Variants in SHMT2 observed in about 807,000 individuals in gnomAD.
SHMT2 encodes serine hydroxymethyltransferase 2.
SHMT2 carries 38 observed loss-of-function variants against 59.6 expected under a neutral mutation model. The ratio of observed to expected loss-of-function variants is 0.64; its 90% CI spans 0.49 to 0.84. The LOEUF is 0.84. Among genes scored for constraint, SHMT2 ranks in the 40% least tolerant of loss-of-function variants. SHMT2 has a pLI of 0.00. For missense variants in SHMT2, 533 were observed against 659.5 expected (o/e 0.81, Z 2.10); for synonymous variants, 254 against 258.1 (o/e 0.98, Z 0.15).
intron 4 of SHMT2, 127 bp from the exon 5 acceptor site, chr12:57,232,084 G>A: frequency 1.8e-6 from 2 of 1,124,806 alleles, no homozygotes; most frequent in Non-Finnish European, 2.7e-6. Flanking sequence ...ACCACAGAGT[G>A]GACAGAGCAG....
intron 9 of SHMT2, 31 bp from the exon 10 acceptor site, chr12:57,233,718 C>T (rs1186568422): frequency 6.2e-7 from 1 of 1,613,170 alleles, no homozygotes; most frequent in African/African-American, 1.3e-5. Context: ...AGGCCCAGGA[C>T]TCACCACTCC....
At chr12:57,230,152 A>G (rs1314257852) in intron 1 of SHMT2, 6 of 1,304,676 alleles carry the variant, frequency 4.6e-6, no homozygotes, top group Non-Finnish European at 4.9e-6. Flanking sequence ...CTTTCCGGCC[A>G]GCTCTGAGCC....
chr12:57,234,309 G>T lies in SHMT2; in HGVS notation c.1463G>T (p.Arg488Leu). The T allele has an allele frequency of 6.2e-7, 1 of 1,613,264 alleles. No individual in the cohort carries two copies. The highest frequency in any genetic ancestry group is 8.5e-7 in the Non-Finnish European group (1 of 1,179,566). Reference sequence around the variant, plus strand: ...CAGCGTCTGGCCAACCTCAGGCAACGGGTGGAGCAGTTTGCCAGGGCCTTC... The same window carrying T: ...CAGCGTCTGGCCAACCTCAGGCAACTGGTGGAGCAGTTTGCCAGGGCCTTC... ...TSQRLANLRQ[R>L]VEQFARAFPM... Residue 488 changes from arginine to leucine, a missense_variant, in exon 12 of 12, where the codon CGG (arginine) becomes CTG (leucine). Transcript: ENST00000328923.
At position 57,229,814 on chromosome 12, in the gene SHMT2, A is replaced by G. The variant is rs963775400; in HGVS notation, c.33+3A>G. On this transcript the variant is annotated splice_donor_region_variant and intron_variant, in intron 1 of 11. Transcript: ENST00000328923. ...TCTCTTTGTTTTGGGCGGCTCGGGT[A>G]AGAATGGGGCTCCAAACGCTGGGTA... 3.7e-6 allele frequency: 6 copies of G among 1,614,076 alleles called. No homozygotes were observed. The highest frequency in any genetic ancestry group is 5.1e-6 in the Non-Finnish European group (6 of 1,180,008).
Position 57,234,071 on chromosome 12 carries a change from G to A in SHMT2, c.1348G>A (p.Glu450Lys). The change falls in exon 11 of 12, where the codon GAA (glutamate) becomes AAA (lysine). Residue 450 changes from glutamate (E) to lysine (K), a missense_variant. Physicochemically the swap from Glu to Lys is moderately conservative, Grantham distance 56. Transcript: ENST00000328923. Reference protein sequence around the residue: ...DFRRVVDFIDEGVNIGLEVKS... With the variant: ...DFRRVVDFIDKGVNIGLEVKS... ...CCGGAGAGTTGTGGACTTTATAGAT[G>A]AAGGGGTCAACATTGGCTTAGAGGT... The A allele has an allele frequency of 1.2e-6, 2 of 1,614,178 alleles. No individual in the cohort carries two copies. Among genetic ancestry groups the A allele is most frequent in the Non-Finnish European group, 1.7e-6 (2 of 1,180,040 alleles).
At chr12:57,234,173 A>G in intron 11 of SHMT2, 61 bp from the exon 12 acceptor site, 1 of 1,613,854 alleles carries the variant, frequency 6.2e-7, no homozygotes, top group Non-Finnish European at 8.5e-7. Context: ...TCCCTCCCCC[A>G]GCTGATCTCA....
rs751223752 is a variant in SHMT2 at position 57,233,892 on chromosome 12, G to A, written c.1267G>A (p.Gly423Ser). 22 of 1,614,078 alleles carry A rather than the reference G, an allele frequency of 1.4e-5. No individual in the cohort carries two copies. Among genetic ancestry groups the A allele is most frequent in the East Asian group, 2.2e-5 (1 of 44,890 alleles). The change falls in exon 10 of 12, where the codon GGC becomes AGC. Residue 423 changes from glycine (G) to serine (S), a missense_variant. Coordinates refer to ENST00000328923, the MANE Select transcript of SHMT2 (RefSeq NM_005412.6). ...AGACCGAAGTGCCATCACACCGGGCGGCCTGCGGCTTGGTGAGACCTGGGG... is the reference window on the plus strand; with the variant it reads ...AGACCGAAGTGCCATCACACCGGGCAGCCTGCGGCTTGGTGAGACCTGGGG... ...PGDRSAITPG[G>S]LRLGAPALTS...
intron 1 of SHMT2, chr12:57,230,269 G>A (rs1193526695): frequency 3.2e-5 from 38 of 1,188,778 alleles, no homozygotes; most frequent in Non-Finnish European, 3.7e-5. Context: ...AAGGGGAAAG[G>A]GTATTGGCTT....
At chr12:57,234,153 C>G in intron 11 of SHMT2, 43 bp downstream of exon 11, 1 of 1,613,198 alleles carries the variant, frequency 6.2e-7, no homozygotes, top group Non-Finnish European at 8.5e-7. Flanking sequence ...AGTTCCCACT[C>G]ACTGTCTGCT....
Sources: allele counts gnomAD v4.1 joint callset, GRCh38; gene constraint gnomAD v4.1.1; transcripts MANE v1.5; gene names NCBI Gene and HGNC (gene_info 2026-07-23, HGNC 2026-07-21).